Variants in PALM2AKAP2 observed in about 807,000 individuals in gnomAD.
The protein encoded by PALM2AKAP2 is PALM2 and AKAP2 fusion, also known as PALM2-AKAP2 fusion protein.
PALM2AKAP2 carries 37 observed loss-of-function variants against 71.5 expected under a neutral mutation model. That is an observed-to-expected ratio of 0.52 (90% CI 0.40 to 0.68). The LOEUF (loss-of-function observed/expected upper bound fraction) is 0.68, where lower values mean the gene tolerates loss of function less well. Ranked by LOEUF, PALM2AKAP2 falls within the 30% of genes least tolerant of loss-of-function variation. The probability of loss-of-function intolerance (pLI) is 0.00; values close to 1 mark genes in which losing one functional copy is unlikely to be tolerated. For synonymous variants in PALM2AKAP2, 468 were observed against 478.8 expected, an observed-to-expected ratio of 0.98 and a Z score of 0.29; for missense variants, 1,224 against 1,191.8, an observed-to-expected ratio of 1.03 and a Z score of -0.40.
At chr9:110,035,834 T>C (rs959779409) in intron 7 of PALM2AKAP2, among the ~76,000 whole-genome samples, 1 of 147,396 alleles carries the variant, frequency 6.8e-6, no homozygotes, top group Non-Finnish European at 1.5e-5. Flanking sequence ...ATGTTGTGTG[T>C]TATATATAAT....
chr9:109,783,015 G>A (rs1473100768), intron 1 of PALM2AKAP2, among the ~76,000 whole-genome samples: 1 of 152,090 alleles, frequency 6.6e-6, no homozygotes, highest in African/African-American at 2.4e-5. Flanking sequence ...GAGGGAAGAA[G>A]ACAATAGGTC....
At chr9:109,857,901 T>C (rs1258823560) in intron 1 of PALM2AKAP2, among the ~76,000 whole-genome samples, 1 of 152,262 alleles carries the variant, frequency 6.6e-6, no homozygotes, top group Non-Finnish European at 1.5e-5. Flanking sequence ...CTTACCATTA[T>C]GGTTTATACC....
chr9:109,976,891 G>T (rs1467575122), intron 6 of PALM2AKAP2, among the ~76,000 whole-genome samples: 1 of 152,210 alleles, frequency 6.6e-6, no homozygotes, highest in Non-Finnish European at 1.5e-5. Context: ...ATGCCACAGT[G>T]TGAACCGCAG....
At chr9:109,902,600 A>G (rs1224485216) in intron 3 of PALM2AKAP2, among the ~76,000 whole-genome samples, 2 of 152,226 alleles carry the variant, frequency 1.3e-5, no homozygotes, top group East Asian at 3.8e-4. Flanking sequence ...TGTAAGTGCT[A>G]CTTCTGTTGA....
intron 6 of PALM2AKAP2, among the ~76,000 whole-genome samples, chr9:110,005,084 T>TG (rs890644796): frequency 6.6e-6 from 1 of 152,216 alleles, no homozygotes; most frequent in East Asian, 1.9e-4. Context: ...TGCATTCCTT[T>TG]GGGGGAGGAG....
At chr9:109,781,721 G>C (rs545084303) in intron 1 of PALM2AKAP2, among the ~76,000 whole-genome samples, 11 of 152,354 alleles carry the variant, frequency 7.2e-5, no homozygotes, top group Admixed American at 2.0e-4. Context: ...AAGTGAGAGA[G>C]ATGTTTGCTG....
At chr9:109,994,595 C>G (rs1832541113) in intron 6 of PALM2AKAP2, among the ~76,000 whole-genome samples, 1 of 152,196 alleles carries the variant, frequency 6.6e-6, no homozygotes, top group Non-Finnish European at 1.5e-5. Context: ...TCACAAACAG[C>G]CTGCCAAGAG....
intron 2 of PALM2AKAP2, among the ~76,000 whole-genome samples, chr9:109,876,105 T>A (rs1829715494): frequency 2.0e-5 from 3 of 152,214 alleles, no homozygotes; most frequent in Non-Finnish European, 4.4e-5. Flanking sequence ...TTGATGTATG[T>A]TATTTAGACA....
At chr9:110,137,622 T>A in exon 2 of PALM2AKAP2, 1 of 1,614,100 alleles carries the variant, frequency 6.2e-7, no homozygotes, top group Non-Finnish European at 8.5e-7. Flanking sequence ...TCAAGATCTG[T>A]CAATGTCTCC....
At chr9:110,128,456 G>A (rs1421512815) in intron 1 of PALM2AKAP2, among the ~76,000 whole-genome samples, 1 of 152,232 alleles carries the variant, frequency 6.6e-6, no homozygotes, top group Non-Finnish European at 1.5e-5. Context: ...CCATGCCTCT[G>A]TTCCTAGGCC....
intron 1 of PALM2AKAP2, among the ~76,000 whole-genome samples, chr9:109,757,070 T>C (rs1225688127): frequency 3.9e-5 from 6 of 152,118 alleles, no homozygotes; most frequent in Non-Finnish European, 7.4e-5. Flanking sequence ...GTTCTATCTA[T>C]CTGTATGTTT....
intron 1 of PALM2AKAP2, among the ~76,000 whole-genome samples, chr9:109,790,208 C>T (rs1233769392): frequency 6.6e-6 from 1 of 152,092 alleles, no homozygotes; most frequent in African/African-American, 2.4e-5. Flanking sequence ...ATTTCATTAC[C>T]CTGCAGGCTT....
At chr9:109,905,944 G>A (rs1830436429) in intron 3 of PALM2AKAP2, among the ~76,000 whole-genome samples, 1 of 152,150 alleles carries the variant, frequency 6.6e-6, no homozygotes, top group Non-Finnish European at 1.5e-5. Flanking sequence ...GGGAAACATA[G>A]CGAAACCCTG....
chr9:109,919,767 A>G lies in PALM2AKAP2; in HGVS notation c.258-3968A>G, dbSNP rs13296113. Among the ~76,000 whole-genome samples the G allele has an allele frequency of 1.9e-3, 280 of 146,768 alleles. 1 individual carries two copies. The highest frequency in any genetic ancestry group is 0.014 in the Middle Eastern group (4 of 288). On this transcript the variant is annotated intron_variant, in intron 3 of 9. Coordinates refer to the PALM2AKAP2 transcript ENST00000302798. ...TGTGTGTGTGTGTGTGTGTGTGTGT[A>G]TATATGTAAAATGTATACACACTTC... is the stretch of plus-strand genomic sequence containing the variant.
intron 1 of PALM2AKAP2, among the ~76,000 whole-genome samples, chr9:110,070,004 C>T (rs954056559): frequency 3.9e-5 from 6 of 152,136 alleles, no homozygotes; most frequent in Non-Finnish European, 8.8e-5. Context: ...GCTAAGTAAT[C>T]GTGAGACCCA....
chr9:109,718,399 G>A (rs1175504175), intron 1 of PALM2AKAP2, among the ~76,000 whole-genome samples: 4 of 151,942 alleles, frequency 2.6e-5, no homozygotes, highest in African/African-American at 7.3e-5. Context: ...TTTAAGTTAG[G>A]TATTACACAA....
At chr9:109,789,934 A>G (rs1315363577) in intron 1 of PALM2AKAP2, among the ~76,000 whole-genome samples, 1 of 152,092 alleles carries the variant, frequency 6.6e-6, no homozygotes, top group Non-Finnish European at 1.5e-5. Context: ...CAGAGACAAG[A>G]CTACACCCTA....
chr9:109,961,086 A>G (rs979921856), intron 6 of PALM2AKAP2, among the ~76,000 whole-genome samples: 4 of 152,220 alleles, frequency 2.6e-5, no homozygotes, highest in African/African-American at 9.6e-5. Context: ...CATCAAGTAC[A>G]ATGTGAATGG....
At chr9:109,988,427 T>A (rs1832417166) in intron 6 of PALM2AKAP2, among the ~76,000 whole-genome samples, 1 of 152,084 alleles carries the variant, frequency 6.6e-6, no homozygotes, top group South Asian at 2.1e-4. Flanking sequence ...TCACAGACCA[T>A]ATCTACTAAA....
Sources: gnomAD v4.1 joint callset for allele counts (sites outside exome capture counted in the v4.1 genomes callset) on GRCh38, gnomAD v4.1.1 for gene constraint, MANE v1.5 for transcripts, NCBI Gene and HGNC (gene_info 2026-07-23, HGNC 2026-07-21) for gene names.